The following UTP15 variants were observed in gnomAD, a reference collection of about 807,000 sequenced individuals.
The protein encoded by UTP15 is U3 small nucleolar RNA-associated protein 15 homolog.
UTP15 carries 5 observed loss-of-function variants against 59.1 expected under a neutral mutation model. That is an observed-to-expected ratio of 0.08 (90% CI 0.04 to 0.18). The LOEUF is 0.18. Among genes scored for constraint, UTP15 ranks in the 10% least tolerant of loss-of-function variants. UTP15 has a pLI of 1.00. For synonymous variants in UTP15, 211 were observed against 212.2 expected (o/e 0.99, Z 0.05); for missense variants, 494 against 616.7 (o/e 0.80, Z 2.11).
chr5:73,579,905 C>G lies in UTP15; in HGVS notation c.1368C>G (p.Ser456=). The G allele has an allele frequency of 6.2e-7, 1 of 1,611,736 alleles. No individual in the cohort carries two copies. Among genetic ancestry groups the G allele is most frequent in the Non-Finnish European group, 8.5e-7 (1 of 1,178,796 alleles). Residue 456 remains serine (S), a synonymous_variant, in exon 13 of 13, where the codon TCC becomes TCG. Coordinates refer to ENST00000296792, the MANE Select transcript of UTP15 (RefSeq NM_032175.4). ...TATATCTGCCTGTAATTGGTCAGTCCCCTGTAGTTGATAAAAAGTTTTTAC... is the reference window on the plus strand; with the variant it reads ...TATATCTGCCTGTAATTGGTCAGTCGCCTGTAGTTGATAAAAAGTTTTTAC... ...IDIYLPVIGQ[S]PVVDKKFLLL...
At chr5:73,572,884 G>A (rs938308337) in intron 7 of UTP15, among the ~76,000 whole-genome samples, 4 of 151,982 alleles carry the variant, frequency 2.6e-5, no homozygotes, top group African/African-American at 7.2e-5. Flanking sequence ...TGCAACCTCC[G>A]CCTCCCAGGT....
Position 73,569,500 on chromosome 5 carries a change from A to G in UTP15, c.372A>G (p.Ala124=), listed in dbSNP as rs1474898123. The change falls in exon 5 of 13, where the codon GCA becomes GCG. Residue 124 remains alanine (A), a synonymous_variant. Coordinates refer to ENST00000296792, the MANE Select transcript of UTP15 (RefSeq NM_032175.4). ...PLRQFEGHTK[A]VHTVDFTADK... ...ATACTGACCTTCAATCTTTCAGAGC[A>G]GTTCATACAGTAGATTTTACAGCTG... 6.3e-7 allele frequency: 1 copy of G among 1,595,070 alleles called. No individual in the cohort carries two copies. Among genetic ancestry groups the G allele is most frequent in the East Asian group, 2.3e-5 (1 of 43,854 alleles).
At chr5:73,573,903 C>T (rs1402056736) in intron 7 of UTP15, among the ~76,000 whole-genome samples, 1 of 151,528 alleles carries the variant, frequency 6.6e-6, no homozygotes, top group Non-Finnish European at 1.5e-5. Flanking sequence ...TTTATTTAGC[C>T]TAATATCTAA....
At chr5:73,573,832 C>T (rs1321138352) in intron 7 of UTP15, among the ~76,000 whole-genome samples, 1 of 151,846 alleles carries the variant, frequency 6.6e-6, no homozygotes, top group East Asian at 1.9e-4. Context: ...CCTTGGCCTC[C>T]CAAAGTGCTG....
At chr5:73,571,050 GTATTTAGCCCTGTGCCATCTTATT>G (rs1580389430) in intron 6 of UTP15, among the ~76,000 whole-genome samples, 2 of 152,096 alleles carry the variant, frequency 1.3e-5, no homozygotes, top group Admixed American at 6.6e-5. Context: ...AGAGCTCTGT[GTATTTAGCCCTGTGCCATCTTATT>G]TATTTAGCCC....
chr5:73,579,461 A>G, intron 12 of UTP15, 86 bp downstream of exon 12: 1 of 1,030,848 alleles, frequency 9.7e-7, no homozygotes, highest in Non-Finnish European at 1.4e-6. Context: ...CAAGTAGATC[A>G]AAATATCTTG....
Position 73,565,767 on chromosome 5 carries a change from T to C in UTP15, c.-229T>C. On this transcript the variant is annotated 5_prime_UTR_variant, in exon 1 of 13. Coordinates refer to ENST00000296792, the MANE Select transcript of UTP15 (RefSeq NM_032175.4). Reference sequence around the variant, plus strand: ...TACGTCATCTTCGCGCGACGTTCGGTTCGCTGTGTGTGTCGCCGGCTCCTT... The same window carrying C: ...TACGTCATCTTCGCGCGACGTTCGGCTCGCTGTGTGTGTCGCCGGCTCCTT... 1 of 456,208 alleles carries C rather than the reference T, an allele frequency of 2.2e-6. No homozygotes were observed. The highest frequency in any genetic ancestry group is 1.5e-5 in the South Asian group (1 of 64,566). 28.3% of individuals were successfully genotyped at this position (456,208 alleles called of 1,614,324 possible). A position where few individuals can be genotyped will look rare whatever the true frequency, so the allele number is the denominator to read the frequency against.
At position 73,580,844 on chromosome 5, in the gene UTP15, C is replaced by G. The variant is rs886064630; in HGVS notation, c.*750C>G. 6.6e-6 allele frequency: 1 copy of G among 151,876 alleles called. No homozygotes were observed. Among genetic ancestry groups the G allele is most frequent in the African/African-American group, 2.4e-5 (1 of 41,324 alleles). 9.4% of individuals were successfully genotyped at this position (151,876 alleles called of 1,614,324 possible). ...ATGATAGAATTTGTCATTTTTCTTA[C>G]AACAGCCTTTCAGACTATTCTTCAT... is the stretch of plus-strand genomic sequence containing the variant. On this transcript the variant is annotated 3_prime_UTR_variant, in exon 13 of 13. Coordinates refer to ENST00000296792, the MANE Select transcript of UTP15 (RefSeq NM_032175.4).
At chr5:73,566,838 T>C (rs1226834208) in intron 1 of UTP15, among the ~76,000 whole-genome samples, 1 of 152,254 alleles carries the variant, frequency 6.6e-6, no homozygotes, top group Non-Finnish European at 1.5e-5. Flanking sequence ...ATTTTTAGGC[T>C]TTCAGGAAAT....
chr5:73,578,020 C>T lies in UTP15; in HGVS notation c.1044+15C>T. ...TGAAGCAACGGGTATTTGTGCATTTCTCATATTTGTTTAAAGGGTGAAATT... is the reference window on the plus strand; with the variant it reads ...TGAAGCAACGGGTATTTGTGCATTTTTCATATTTGTTTAAAGGGTGAAATT... On this transcript the variant is annotated intron_variant, in intron 9 of 12. Transcript: ENST00000296792. 2 of 1,576,028 alleles carry T rather than the reference C, an allele frequency of 1.3e-6. No individual in the cohort carries two copies. Among genetic ancestry groups the T allele is most frequent in the East Asian group, 2.4e-5 (1 of 42,422 alleles).
rs1748165905 is a variant in UTP15 at position 73,578,473 on chromosome 5, A to G, written c.1045-278A>G. ...TGCCTGCCACATAAAGAGAATTGAA[A>G]TGAGTAATTTTTACCTAGAATTAAG... On this transcript the variant is annotated intron_variant, in intron 9 of 12. Transcript: ENST00000296792. 2.5e-5 allele frequency: 9 copies of G among 360,836 alleles called. No individual in the cohort carries two copies. The South Asian group carries it at 3.0e-4, about 12-fold the overall frequency. The allele number at this position is 360,836 out of a possible 1,614,324, so 22.4% of individuals were successfully genotyped here.
chr5:73,566,900 T>G (rs1197278285), intron 1 of UTP15, among the ~76,000 whole-genome samples: 1 of 152,252 alleles, frequency 6.6e-6, no homozygotes, highest in Non-Finnish European at 1.5e-5. Context: ...AAACTTGGTT[T>G]CAGGAAACTT....
At chr5:73,570,312 A>G (rs1022769216) in intron 5 of UTP15, among the ~76,000 whole-genome samples, 3 of 152,236 alleles carry the variant, frequency 2.0e-5, no homozygotes, top group Admixed American at 6.5e-5. Flanking sequence ...GGGTGCCTTT[A>G]CAAAGATTTC....
chr5:73,578,080 T>A, intron 9 of UTP15, 75 bp downstream of exon 9: 1 of 1,481,844 alleles, frequency 6.7e-7, no homozygotes, highest in Non-Finnish European at 9.1e-7. Context: ...TGCACATTAC[T>A]GGAAAGCGTA....
chr5:73,565,804 T>C lies in UTP15; in HGVS notation c.-192T>C, dbSNP rs1207687419. ...GTCGCCGGCTCCTTGAGGGTCCATG[T>C]GATTTTTACGCCAGTGCTGCTGAAC... On this transcript the variant is annotated 5_prime_UTR_variant, in exon 1 of 13. It removes the in-frame stop codon of an upstream open reading frame in the 5' UTR. Transcript: ENST00000296792. 3 of 456,184 alleles carry C rather than the reference T, an allele frequency of 6.6e-6. No homozygotes were observed. The highest frequency in any genetic ancestry group is 4.6e-5 in the South Asian group (3 of 64,578). The allele number at this position is 456,184 out of a possible 1,614,324, so 28.3% of individuals were successfully genotyped here. A position where few individuals can be genotyped will look rare whatever the true frequency, so the allele number is the denominator to read the frequency against.
intron 2 of UTP15, chr5:73,567,779 G>T (rs886328825): frequency 9.1e-5 from 17 of 187,368 alleles, no homozygotes; most frequent in Non-Finnish European, 1.5e-4. Context: ...ATTAGTAGTG[G>T]ACTGGTATAG....
chr5:73,571,386 A>T (rs191976235), intron 6 of UTP15, among the ~76,000 whole-genome samples: 17 of 152,062 alleles, frequency 1.1e-4, no homozygotes, highest in African/African-American at 4.1e-4. Flanking sequence ...ACATTTTTCA[A>T]CAAGTTGGGA....
Position 73,572,498 on chromosome 5 carries a change from A to T in UTP15, c.683A>T (p.Tyr228Phe). Residue 228 changes from tyrosine to phenylalanine, a missense_variant, in exon 7 of 13, where the codon TAT (tyrosine) becomes TTT (phenylalanine). Transcript: ENST00000296792. ...TGATTTCTTTTTATAGGAGGTCGTTATGTTAAAGTCTGGGACATGTTAAAA... is the reference window on the plus strand; with the variant it reads ...TGATTTCTTTTTATAGGAGGTCGTTTTGTTAAAGTCTGGGACATGTTAAAA... ...GGLLVSAGGRYVKVWDMLKGG... is the reference protein window; with the variant it reads ...GGLLVSAGGRFVKVWDMLKGG... 2 of 1,613,152 alleles carry T rather than the reference A, an allele frequency of 1.2e-6. No individual in the cohort carries two copies. Among genetic ancestry groups the T allele is most frequent in the Non-Finnish European group, 1.7e-6 (2 of 1,179,728 alleles).
Position 73,581,779 on chromosome 5 carries a change from T to C in UTP15, c.*1685T>C, listed in dbSNP as rs1748323626. 1 of 152,154 alleles carries C rather than the reference T, an allele frequency of 6.6e-6. No individual in the cohort carries two copies. The allele number at this position is 152,154 out of a possible 1,614,324, so 9.4% of individuals were successfully genotyped here. On this transcript the variant is annotated 3_prime_UTR_variant, in exon 13 of 13. Transcript: ENST00000296792. ...ATATGTTAAGTGAATATACTTAATATATTCTAGTACAGGTATGCTTGGAAA... is the reference window on the plus strand; with the variant it reads ...ATATGTTAAGTGAATATACTTAATACATTCTAGTACAGGTATGCTTGGAAA...
Sources: allele counts gnomAD v4.1 joint callset (sites outside exome capture counted in the v4.1 genomes callset), GRCh38; gene constraint gnomAD v4.1.1; transcripts MANE v1.5; gene names NCBI Gene and HGNC (gene_info 2026-07-23, HGNC 2026-07-21).